DAB1: variants seen among roughly 807,000 people sequenced by gnomAD.
DAB1 encodes disabled homolog 1.
A neutral mutation model predicts 64.6 loss-of-function variants in DAB1; 15 were observed. The observed-to-expected ratio is 0.23, with a 90% CI of 0.16 to 0.36. The LOEUF is 0.36. Among genes scored for constraint, DAB1 ranks in the 10% least tolerant of loss-of-function variants. The pLI is 1.00. For synonymous variants in DAB1, 235 were observed against 251.9 expected (o/e 0.93, Z 0.64); for missense variants, 596 against 706.7 (o/e 0.84, Z 1.78).
At chr1:57,975,684 C>G (rs1260617431) in intron 5 of DAB1, among the ~76,000 whole-genome samples, 3 of 152,182 alleles carry the variant, frequency 2.0e-5, no homozygotes, top group Admixed American at 2.0e-4. Flanking sequence ...AAGGCCCAGA[C>G]TCATGACACC....
chr1:57,339,919 T>C (rs1015076412), intron 1 of DAB1, among the ~76,000 whole-genome samples: 3 of 152,172 alleles, frequency 2.0e-5, no homozygotes, highest in East Asian at 3.9e-4. Flanking sequence ...TTTCAAGTCA[T>C]CGCCAGGGAG....
At chr1:57,112,549 A>T (rs1655762036) in intron 4 of DAB1, among the ~76,000 whole-genome samples, 1 of 152,186 alleles carries the variant, frequency 6.6e-6, no homozygotes, top group African/African-American at 2.4e-5. Flanking sequence ...GTCTCTTTCA[A>T]CTAGGAGGCC....
At chr1:57,710,658 G>A (rs1004834950) in intron 6 of DAB1, among the ~76,000 whole-genome samples, 1 of 151,908 alleles carries the variant, frequency 6.6e-6, no homozygotes, top group Non-Finnish European at 1.5e-5. Context: ...TTGGGGGGGG[G>A]AGGTTAATTC....
At chr1:57,580,372 G>A (rs567247133) in intron 7 of DAB1, among the ~76,000 whole-genome samples, 2 of 152,118 alleles carry the variant, frequency 1.3e-5, no homozygotes, top group African/African-American at 4.8e-5. Flanking sequence ...TCCATGTCTG[G>A]CCAACCGACT....
At chr1:58,129,128 T>A (rs1193957004) in intron 5 of DAB1, among the ~76,000 whole-genome samples, 76 of 150,906 alleles carry the variant, frequency 5.0e-4, no homozygotes, top group African/African-American at 1.7e-3. Flanking sequence ...ATTGCCACAA[T>A]TTCAGATCCT....
chr1:58,041,111 A>T lies in DAB1; in HGVS notation n.387+109400T>A, dbSNP rs12039066. ...TCCTAATAATCTTTTTTCCAAACCC[A>T]ACTCCTTCTTAAGAGTTAGTTCCAG... On this transcript the variant is annotated intron_variant and non_coding_transcript_variant, in intron 5 of 20. Transcript: ENST00000485760. 3.0e-3 allele frequency among the ~76,000 whole-genome samples: 451 copies of T among 152,052 alleles called. 3 individuals carry two copies. The highest frequency in any genetic ancestry group is 3.2e-3 in the Non-Finnish European group (217 of 67,982).
chr1:58,348,901 T>C (rs1180469149), intron 3 of DAB1, among the ~76,000 whole-genome samples: 2 of 152,160 alleles, frequency 1.3e-5, no homozygotes, highest in Non-Finnish European at 1.5e-5. Context: ...CTGATTTAGA[T>C]TGTCAAGATG....
chr1:58,317,940 T>C (rs191472515), intron 4 of DAB1, among the ~76,000 whole-genome samples: 75 of 152,364 alleles, frequency 4.9e-4, no homozygotes, highest in African/African-American at 1.8e-3. Flanking sequence ...AGTCAGGGAC[T>C]GTGCTTTGTG....
chr1:58,517,582 G>A (rs898650310), intron 2 of DAB1, among the ~76,000 whole-genome samples: 4 of 152,128 alleles, frequency 2.6e-5, no homozygotes, highest in African/African-American at 9.7e-5. Context: ...TGGAATGAAT[G>A]TTTCCTGTAT....
At chr1:57,864,859 T>C (rs1190898699) in intron 1 of DAB1, 1 of 151,968 alleles carries the variant, frequency 6.6e-6, no homozygotes, top group Non-Finnish European at 1.5e-5. Flanking sequence ...TCCTTGCTCA[T>C]TCGTAATGAA....
chr1:57,130,775 T>C (rs1394818858), intron 4 of DAB1, among the ~76,000 whole-genome samples: 1 of 152,118 alleles, frequency 6.6e-6, no homozygotes, highest in Non-Finnish European at 1.5e-5. Context: ...AGTAAATGGG[T>C]ATAAAATTTT....
chr1:58,427,042 C>T (rs890372866), intron 3 of DAB1, among the ~76,000 whole-genome samples: 5 of 152,190 alleles, frequency 3.3e-5, no homozygotes, highest in African/African-American at 9.6e-5. Context: ...GAATTGAGCA[C>T]GTGCCAGGAG....
chr1:57,012,362 T>C (rs1646291543), intron 12 of DAB1, among the ~76,000 whole-genome samples: 1 of 152,254 alleles, frequency 6.6e-6, no homozygotes, highest in Non-Finnish European at 1.5e-5. Context: ...TATAAATACC[T>C]GCAAGTTGTT....
Position 57,852,309 on chromosome 1 carries a change from A to G in DAB1, n.88-25854T>C, listed in dbSNP as rs183421360. On this transcript the variant is annotated intron_variant and non_coding_transcript_variant, in intron 1 of 1. Transcript: ENST00000477280. Reference sequence around the variant, plus strand: ...CCCTCAGTTTATTAACATTTTTCATACCCTTTTTTGTCCAGGCACATTTTT... The same window carrying G: ...CCCTCAGTTTATTAACATTTTTCATGCCCTTTTTTGTCCAGGCACATTTTT... Among the ~76,000 whole-genome samples the G allele has an allele frequency of 5.1e-3, 776 of 152,058 alleles. 4 individuals carry two copies. The highest frequency in any genetic ancestry group is 0.017 in the African/African-American group (694 of 41,494).
At chr1:58,510,183 A>T (rs1196718326) in intron 2 of DAB1, among the ~76,000 whole-genome samples, 1 of 152,158 alleles carries the variant, frequency 6.6e-6, no homozygotes, top group African/African-American at 2.4e-5. Context: ...ACTACAAAAA[A>T]AAATTACGGG....
intron 5 of DAB1, among the ~76,000 whole-genome samples, chr1:58,118,501 T>TATATATATAC (rs1652500216): frequency 1.6e-5 from 1 of 63,312 alleles, no homozygotes; most frequent in Non-Finnish European, 2.7e-5. Context: ...TATATATATA[T>TATATATATAC]ATACACACAC....
intron 6 of DAB1, among the ~76,000 whole-genome samples, chr1:57,753,863 CT>C (rs1648668806): frequency 6.6e-6 from 1 of 152,186 alleles, no homozygotes; most frequent in Admixed American, 6.5e-5. Context: ...AGAAGTGCAA[CT>C]TTTTTTACTT....
At chr1:58,039,682 A>C (rs1485521623) in intron 5 of DAB1, among the ~76,000 whole-genome samples, 2 of 152,148 alleles carry the variant, frequency 1.3e-5, no homozygotes, top group African/African-American at 4.8e-5. Flanking sequence ...TTGCACCTGG[A>C]GCCAGTAAGA....
chr1:57,228,322 G>A (rs761781116), intron 2 of DAB1, among the ~76,000 whole-genome samples: 10 of 151,932 alleles, frequency 6.6e-5, no homozygotes, highest in Non-Finnish European at 1.3e-4. Flanking sequence ...CATTTGCAAC[G>A]ACAAAATTTA....
Sources: allele counts gnomAD v4.1 joint callset (sites outside exome capture counted in the v4.1 genomes callset), GRCh38; gene constraint gnomAD v4.1.1; transcripts MANE v1.5; gene names NCBI Gene and HGNC (gene_info 2026-07-23, HGNC 2026-07-21).